The following NMNAT2 variants were observed in gnomAD, a reference collection of about 807,000 sequenced individuals.
NMNAT2 encodes the protein nicotinamide nucleotide adenylyltransferase 2, also known as nicotinamide/nicotinic acid mononucleotide adenylyltransferase 2.
In NMNAT2, 11 loss-of-function variants were observed where a neutral mutation model predicts 41.6. That is an observed-to-expected ratio of 0.26 (90% CI 0.17 to 0.44). The LOEUF (loss-of-function observed/expected upper bound fraction) is 0.44, where lower values mean the gene tolerates loss of function less well. NMNAT2 is among the 20% of genes least tolerant of loss of function. NMNAT2 has a pLI of 1.00. For missense variants in NMNAT2, 288 were observed against 407.7 expected, an observed-to-expected ratio of 0.71 and a Z score of 2.53; for synonymous variants, 148 against 151.2, an observed-to-expected ratio of 0.98 and a Z score of 0.16.
intron 1 of NMNAT2, among the ~76,000 whole-genome samples, chr1:183,331,296 G>A (rs1662578258): frequency 6.6e-6 from 1 of 152,182 alleles, no homozygotes; most frequent in Non-Finnish European, 1.5e-5. Flanking sequence ...GGGGAGGGTT[G>A]CCAAAGCCTG....
intron 8 of NMNAT2, among the ~76,000 whole-genome samples, chr1:183,271,910 G>A (rs371674899): frequency 4.6e-5 from 7 of 152,072 alleles, no homozygotes; most frequent in Admixed American, 3.9e-4. Context: ...CTGCCACCAC[G>A]CCTAGGTAAT....
chr1:183,389,756 GAA>G (rs1557897476), intron 1 of NMNAT2, among the ~76,000 whole-genome samples: 486 of 26,858 alleles, frequency 0.018, 22 homozygotes, highest in Admixed American at 0.024. Context: ...AAGAAAGAAA[GAA>G]AGAAAGAAAG....
At chr1:183,343,076 T>C (rs1662854143) in intron 1 of NMNAT2, among the ~76,000 whole-genome samples, 1 of 152,076 alleles carries the variant, frequency 6.6e-6, no homozygotes, top group South Asian at 2.1e-4. Flanking sequence ...ATGCAAGATG[T>C]TTTGTCTTCA....
chr1:183,306,545 C>T (rs1343294701), intron 1 of NMNAT2, among the ~76,000 whole-genome samples: 1 of 152,108 alleles, frequency 6.6e-6, no homozygotes, highest in African/African-American at 2.4e-5. Context: ...CAAAGAAGCT[C>T]AATTACTGCA....
chr1:183,264,656 G>C (rs978389750), intron 8 of NMNAT2, among the ~76,000 whole-genome samples: 2 of 152,162 alleles, frequency 1.3e-5, no homozygotes, highest in African/African-American at 4.8e-5. Flanking sequence ...TAGAAACAAT[G>C]TTCATGGTGG....
intron 1 of NMNAT2, among the ~76,000 whole-genome samples, chr1:183,388,885 G>T (rs1297764589): frequency 6.6e-6 from 1 of 152,168 alleles, no homozygotes; most frequent in Non-Finnish European, 1.5e-5. Flanking sequence ...GGGCTTTGAA[G>T]ATCCTCACCA....
intron 8 of NMNAT2, chr1:183,267,311 T>C (rs544490625): frequency 6.6e-6 from 1 of 152,294 alleles, no homozygotes; most frequent in African/African-American, 2.4e-5. Context: ...AAAAGTATTA[T>C]TTGTGAAAAA....
intron 1 of NMNAT2, among the ~76,000 whole-genome samples, chr1:183,388,428 G>T (rs12139593): frequency 0.059 from 8,989 of 152,254 alleles, 528 homozygotes; most frequent in East Asian, 0.17. Flanking sequence ...TGCATTGGAA[G>T]GTTCATGGCA....
chr1:183,307,157 T>C (rs562684924), intron 1 of NMNAT2, among the ~76,000 whole-genome samples: 1 of 152,284 alleles, frequency 6.6e-6, no homozygotes, highest in East Asian at 1.9e-4. Flanking sequence ...GATGTTTTTC[T>C]TGGTCTCGCT....
chr1:183,337,763 C>A lies in NMNAT2; in HGVS notation c.86-43970G>T, dbSNP rs557994990. 1.4e-4 allele frequency among the ~76,000 whole-genome samples: 21 copies of A among 152,172 alleles called. No homozygotes were observed. In the South Asian group the frequency reaches 4.4e-3, roughly 32 times the overall value. On this transcript the variant is annotated intron_variant, in intron 1 of 10. Transcript: ENST00000287713. ...TAATCACTTAGATACCTTTTGCCAT[C>A]AATACTTTCCATCCATTTGCACTTT... is the stretch of plus-strand genomic sequence containing the variant.
chr1:183,272,871 CG>C, intron 8 of NMNAT2, among the ~76,000 whole-genome samples: 1 of 152,290 alleles, frequency 6.6e-6, no homozygotes, highest in South Asian at 2.1e-4. Context: ...GGCTGGAGTG[CG>C]GGGCCGGGGC....
chr1:183,273,816 C>T, intron 8 of NMNAT2, among the ~76,000 whole-genome samples: 1 of 137,246 alleles, frequency 7.3e-6, no homozygotes, highest in Non-Finnish European at 1.5e-5. Flanking sequence ...TCTTTCTTTC[C>T]TTTCTTTTCC....
At chr1:183,321,433 G>T (rs1324198079) in intron 1 of NMNAT2, among the ~76,000 whole-genome samples, 1 of 152,168 alleles carries the variant, frequency 6.6e-6, no homozygotes, top group African/African-American at 2.4e-5. Context: ...AGTCTGTAAG[G>T]TATTTGAATG....
intron 1 of NMNAT2, among the ~76,000 whole-genome samples, chr1:183,389,790 A>AGGGAGGGAGGGAGGG (rs1648394254): frequency 3.9e-5 from 3 of 76,286 alleles, no homozygotes; most frequent in Non-Finnish European, 8.5e-5. Flanking sequence ...GAAAGAAAGA[A>AGGGAGGGAGGGAGGG]AGAAAGAAAG....
At chr1:183,379,365 G>A (rs1663753890) in intron 1 of NMNAT2, among the ~76,000 whole-genome samples, 1 of 151,790 alleles carries the variant, frequency 6.6e-6, no homozygotes, top group Non-Finnish European at 1.5e-5. Flanking sequence ...GTTTTTTGTA[G>A]AGATGAGGTC....
intron 1 of NMNAT2, among the ~76,000 whole-genome samples, chr1:183,296,717 T>G (rs1661709624): frequency 6.6e-6 from 1 of 152,120 alleles, no homozygotes; most frequent in Non-Finnish European, 1.5e-5. Flanking sequence ...TTTCACCATG[T>G]TAGCCAGGCT....
At chr1:183,259,765 GA>G (rs1419722641) in intron 10 of NMNAT2, among the ~76,000 whole-genome samples, 1 of 151,992 alleles carries the variant, frequency 6.6e-6, no homozygotes, top group Non-Finnish European at 1.5e-5. Context: ...ACGCCCGGCT[GA>G]TTTTTTGTAT....
chr1:183,397,357 T>G (rs1255814380), intron 1 of NMNAT2, among the ~76,000 whole-genome samples: 5 of 151,918 alleles, frequency 3.3e-5, no homozygotes, highest in African/African-American at 1.2e-4. Context: ...AAAAGAACTT[T>G]AGAGAAAAAA....
At position 183,270,774 on chromosome 1, in the gene NMNAT2, G is replaced by A. The variant is rs914743161; in HGVS notation, c.651+7779C>T. Among the ~76,000 whole-genome samples the A allele has an allele frequency of 1.2e-4, 18 of 152,314 alleles. No homozygotes were observed. In the East Asian group the frequency reaches 2.3e-3, roughly 20 times the overall value. On this transcript the variant is annotated intron_variant, in intron 8 of 10. Coordinates refer to ENST00000287713, the MANE Select transcript of NMNAT2 (RefSeq NM_015039.4). Reference sequence around the variant, plus strand: ...GTATCGTTTGGTATCAGTCGTATCAGTGTGGGGGCCTAATCCCTGGGGTGC... The same window carrying A: ...GTATCGTTTGGTATCAGTCGTATCAATGTGGGGGCCTAATCCCTGGGGTGC...
Sources: allele counts gnomAD v4.1 joint callset (sites outside exome capture counted in the v4.1 genomes callset), GRCh38; gene constraint gnomAD v4.1.1; transcripts MANE v1.5; gene names NCBI Gene and HGNC (gene_info 2026-07-23, HGNC 2026-07-21).